Variants in MTERF4 observed in about 807,000 individuals in gnomAD.
The protein encoded by MTERF4 is mitochondrial transcription termination factor 4, also known as transcription termination factor 4, mitochondrial.
A neutral mutation model predicts 22.5 loss-of-function variants in MTERF4; 17 were observed. That is an observed-to-expected ratio of 0.75 (90% confidence interval 0.52 to 1.13). MTERF4 has a LOEUF of 1.13. Ranked by LOEUF, MTERF4 falls within the 50% of genes most tolerant of loss-of-function variation. The probability of loss-of-function intolerance (pLI) is 0.00; values close to 1 mark genes in which losing one functional copy is unlikely to be tolerated. For missense variants in MTERF4, 420 were observed against 466.8 expected (o/e 0.90, Z 0.92); for synonymous variants, 165 against 175.3 (o/e 0.94, Z 0.47).
downstream of MTERF4, chr2:241,094,514 T>G (rs971296704): frequency 5.0e-6 from 2 of 396,970 alleles, no homozygotes; most frequent in African/African-American, 4.2e-5. This position sits in a 1 kb window ranked among gnomAD's most constrained non-coding sequence, Gnocchi z 4.3. Context: ...GGTATTCCAG[T>G]GCATAGGGGA....
chr2:241,090,015 G>A, downstream of MTERF4: 1 of 1,548,588 alleles, frequency 6.5e-7, no homozygotes, highest in Non-Finnish European at 8.7e-7. Flanking sequence ...GAATGCGCAG[G>A]ACTGGCAGTT....
the MTERF4 span, among the ~76,000 whole-genome samples, chr2:241,055,116 C>CAA: frequency 7.9e-6 from 1 of 126,032 alleles, no homozygotes; most frequent in African/African-American, 2.8e-5. Flanking sequence ...GACTCTGTCT[C>CAA]AAAAAAAAAA....
chr2:241,046,671 A>G, the MTERF4 span, among the ~76,000 whole-genome samples: 1 of 152,222 alleles, frequency 6.6e-6, no homozygotes, highest in Non-Finnish European at 1.5e-5. Flanking sequence ...CTCTGAAGAG[A>G]TAGACCAAAG....
chr2:241,068,779 G>A (rs987709826), downstream of MTERF4: 1 of 644,678 alleles, frequency 1.6e-6, no homozygotes, highest in Non-Finnish European at 2.7e-6. This position sits in a 1 kb window ranked among gnomAD's most constrained non-coding sequence, Gnocchi z 5.3. Context: ...CCTCGTGGAG[G>A]TTGCCTGGGC....
downstream of MTERF4, among the ~76,000 whole-genome samples, chr2:241,090,982 T>C (rs1354184881): frequency 6.6e-6 from 1 of 152,154 alleles, no homozygotes; most frequent in Non-Finnish European, 1.5e-5. Context: ...AGTGCCTAAC[T>C]GTACTAGGAT....
chr2:241,050,353 C>T, the MTERF4 span, among the ~76,000 whole-genome samples: 9 of 152,140 alleles, frequency 5.9e-5, no homozygotes, highest in Non-Finnish European at 1.0e-4. Context: ...GCGTAGCTAT[C>T]CCCGCCAGGC....
chr2:241,084,133 GA>G (rs913161433), downstream of MTERF4, among the ~76,000 whole-genome samples: 1 of 107,046 alleles, frequency 9.3e-6, no homozygotes, highest in African/African-American at 5.3e-5. Context: ...CAGCGTCTAG[GA>G]TTTTTTTTTT....
intron 4 of MTERF4, among the ~76,000 whole-genome samples, chr2:241,080,747 A>C (rs2063288557): frequency 6.6e-6 from 1 of 152,264 alleles, no homozygotes; most frequent in South Asian, 2.1e-4. Flanking sequence ...AGAAAGAAGA[A>C]GCAACCTAGT....
chr2:241,068,165 T>C (rs1490129137), downstream of MTERF4, among the ~76,000 whole-genome samples: 1 of 152,078 alleles, frequency 6.6e-6, no homozygotes, highest in Non-Finnish European at 1.5e-5. This position sits in a 1 kb window ranked among gnomAD's most constrained non-coding sequence, Gnocchi z 5.3. Context: ...GGATACACCT[T>C]GGTAGTGTTT....
chr2:241,091,619 C>T (rs564856399), downstream of MTERF4: 1 of 152,336 alleles, frequency 6.6e-6, no homozygotes, highest in East Asian at 1.9e-4. This position sits in a 1 kb window ranked among gnomAD's most constrained non-coding sequence, Gnocchi z 4.1. Context: ...TCATGCTTCA[C>T]TTTGTTTTTT....
At chr2:241,050,008 GCTGT>G in the MTERF4 span, 2 of 1,062,638 alleles carry the variant, frequency 1.9e-6, no homozygotes, top group South Asian at 1.3e-5. Flanking sequence ...CTGCTTCTCT[GCTGT>G]CTCTCTCCTT....
At position 241,073,485 on chromosome 2, in the gene MTERF4, G is replaced by A. The variant is rs2062848343; in HGVS notation, n.2677C>T. On this transcript the variant is annotated non_coding_transcript_exon_variant, in exon 5 of 5. Coordinates refer to the MTERF4 transcript ENST00000464344. The surrounding 1 kb of genome is among the most constrained non-coding windows in gnomAD (Gnocchi z 6.6). ...TCAGGAGGCACAGAGCCTACCTGAG[G>A]GGAGGCTGAGCACCAGGCACCCCGG... 1.2e-6 allele frequency: 1 copy of A among 821,418 alleles called. No individual in the cohort carries two copies. The highest frequency in any genetic ancestry group is 2.1e-6 in the Non-Finnish European group (1 of 487,548). The allele number at this position is 821,418 out of a possible 1,614,324, so 50.9% of individuals were successfully genotyped here.
downstream of MTERF4, chr2:241,067,769 C>T (rs539832902): frequency 1.2e-5 from 20 of 1,606,344 alleles, no homozygotes; most frequent in East Asian, 1.3e-4. Flanking sequence ...CCTAGGACCC[C>T]GCCCTGTGGA....
the MTERF4 span, among the ~76,000 whole-genome samples, chr2:241,056,508 C>A: frequency 2.8e-5 from 4 of 142,680 alleles, no homozygotes; most frequent in East Asian, 8.2e-4. Context: ...GACAGGACAA[C>A]AAAATTATCT....
the MTERF4 span, chr2:241,048,247 G>A: frequency 6.7e-7 from 1 of 1,486,376 alleles, no homozygotes. Flanking sequence ...TGCCATTGGA[G>A]CTGGGCGGGG....
downstream of MTERF4, chr2:241,088,445 G>C (rs1380604347): frequency 6.5e-7 from 1 of 1,536,810 alleles, no homozygotes; most frequent in Non-Finnish European, 9.0e-7. Context: ...AGAGCTGCTG[G>C]GAAGTGGGGG....
downstream of MTERF4, among the ~76,000 whole-genome samples, chr2:241,085,017 T>C (rs1332372543): frequency 2.0e-5 from 3 of 152,136 alleles, no homozygotes; most frequent in Non-Finnish European, 4.4e-5. Context: ...TTACACTGTA[T>C]GGAATGTGTC....
chr2:241,047,100 G>A, the MTERF4 span, among the ~76,000 whole-genome samples: 21 of 144,564 alleles, frequency 1.5e-4, no homozygotes, highest in East Asian at 2.2e-3. Flanking sequence ...AGCCGAGATC[G>A]CGCCACTGCA....
intron 1 of MTERF4, 61 bp downstream of exon 1, chr2:241,102,192 T>G: frequency 6.5e-7 from 1 of 1,546,890 alleles, no homozygotes; most frequent in Admixed American, 2.0e-5. Context: ...CCGCGGTTCC[T>G]CTGCGTCGCT....
Sources: gnomAD v4.1 joint callset for allele counts (sites outside exome capture counted in the v4.1 genomes callset) on GRCh38, gnomAD v4.1.1 for gene constraint, Gnocchi (gnomAD v3.1) non-coding constraint, MANE v1.5 for transcripts, NCBI Gene and HGNC (gene_info 2026-07-23, HGNC 2026-07-21) for gene names.